Variants in WASF1 observed in about 807,000 individuals in gnomAD.
WASF1 encodes actin-binding protein WASF1.
WASF1 carries 7 observed loss-of-function variants against 50.5 expected under a neutral mutation model. That is an observed-to-expected ratio of 0.14 (90% CI 0.08 to 0.26). The LOEUF is 0.26. WASF1 is among the 10% of genes least tolerant of loss of function. The pLI, the probability that WASF1 is intolerant of heterozygous loss-of-function variation, is 1.00. For synonymous variants in WASF1, 205 were observed against 244.0 expected, an observed-to-expected ratio of 0.84 and a Z score of 1.49; for missense variants, 470 against 694.7, an observed-to-expected ratio of 0.68 and a Z score of 3.64.
intron 3 of WASF1, among the ~76,000 whole-genome samples, chr6:110,143,346 T>G (rs772464268): frequency 9.4e-5 from 14 of 149,596 alleles, no homozygotes; most frequent in Non-Finnish European, 1.9e-4. Context: ...GAATTCTAAA[T>G]TGTTTATTTT....
At chr6:110,122,525 T>C (rs1218723504) in intron 4 of WASF1, among the ~76,000 whole-genome samples, 1 of 152,220 alleles carries the variant, frequency 6.6e-6, no homozygotes, top group Non-Finnish European at 1.5e-5. Context: ...TCCACCTCTC[T>C]GCCTCTGCTA....
chr6:110,129,139 A>G (rs1774548046), intron 3 of WASF1, among the ~76,000 whole-genome samples: 1 of 152,212 alleles, frequency 6.6e-6, no homozygotes, highest in South Asian at 2.1e-4. Flanking sequence ...TTTCAAAGTC[A>G]GTTGATGATT....
chr6:110,125,547 A>G (rs1774381129), intron 4 of WASF1, among the ~76,000 whole-genome samples: 1 of 152,126 alleles, frequency 6.6e-6, no homozygotes, highest in African/African-American at 2.4e-5. Context: ...TGGTTATTTT[A>G]TGTGCATGGT....
intron 2 of WASF1, among the ~76,000 whole-genome samples, chr6:110,164,237 G>T (rs1427876149): frequency 6.6e-6 from 1 of 151,598 alleles, no homozygotes; most frequent in Non-Finnish European, 1.5e-5. Flanking sequence ...ATTCTGCTCT[G>T]TTAAGACAAT....
intron 3 of WASF1, among the ~76,000 whole-genome samples, chr6:110,153,034 T>C (rs1299719221): frequency 2.0e-5 from 3 of 152,212 alleles, no homozygotes; most frequent in Non-Finnish European, 2.9e-5. Context: ...ATGATTGAGA[T>C]GATTGAGATT....
At chr6:110,121,728 T>G (rs551144386) in intron 4 of WASF1, among the ~76,000 whole-genome samples, 9 of 152,256 alleles carry the variant, frequency 5.9e-5, no homozygotes, top group African/African-American at 2.2e-4. Flanking sequence ...TAAAGACAAA[T>G]GCACATGTAT....
intron 3 of WASF1, among the ~76,000 whole-genome samples, chr6:110,137,789 GAAAGA>G (rs913535228): frequency 4.9e-4 from 74 of 152,276 alleles, no homozygotes; most frequent in Middle Eastern, 3.4e-3. Context: ...ATCTGTAAAG[GAAAGA>G]AAAGCCAGGT....
rs113504203 is a variant in WASF1, at chr6:110,164,546, A to G, written c.-126-3814T>C. Reference sequence around the variant, plus strand: ...ATGCCTATTAGAATGGCCAAAATCTAAAACACTGGCAATACCAAATGATGG... The same window carrying G: ...ATGCCTATTAGAATGGCCAAAATCTGAAACACTGGCAATACCAAATGATGG... On this transcript the variant is annotated intron_variant, in intron 2 of 10. Coordinates refer to ENST00000392589, the MANE Select transcript of WASF1 (RefSeq NM_003931.3). 5.5e-3 allele frequency among the ~76,000 whole-genome samples: 835 copies of G among 151,798 alleles called. 12 individuals carry two copies. The highest frequency in any genetic ancestry group is 0.019 in the African/African-American group (809 of 41,516).
At chr6:110,118,642 G>A (rs539630705) in intron 4 of WASF1, among the ~76,000 whole-genome samples, 1 of 152,280 alleles carries the variant, frequency 6.6e-6, no homozygotes, top group African/African-American at 2.4e-5. Context: ...CAAAGAGACA[G>A]AAGGTTAACA....
chr6:110,122,945 G>A (rs1167868172), intron 4 of WASF1, among the ~76,000 whole-genome samples: 1 of 151,610 alleles, frequency 6.6e-6, no homozygotes, highest in Non-Finnish European at 1.5e-5. Context: ...ACCCAGCCAT[G>A]ACAAAGTGGG....
At chr6:110,148,040 C>T (rs1008588332) in intron 3 of WASF1, among the ~76,000 whole-genome samples, 1 of 152,138 alleles carries the variant, frequency 6.6e-6, no homozygotes, top group Non-Finnish European at 1.5e-5. Flanking sequence ...AGCCACTGCA[C>T]CCAACCACCA....
chr6:110,124,835 G>A (rs1222204784), intron 4 of WASF1, among the ~76,000 whole-genome samples: 1 of 152,160 alleles, frequency 6.6e-6, no homozygotes, highest in African/African-American at 2.4e-5. Context: ...GCTTGAACCT[G>A]GGAGGTGGAG....
intron 4 of WASF1, among the ~76,000 whole-genome samples, chr6:110,120,893 A>T (rs1036587476): frequency 6.6e-6 from 1 of 152,158 alleles, no homozygotes; most frequent in African/African-American, 2.4e-5. Context: ...CACATCTACA[A>T]CCATCTGATC....
At position 110,128,745 on chromosome 6, in the gene WASF1, C is replaced by T. The variant is rs112214459; in HGVS notation, c.-28-1116G>A. Among the ~76,000 whole-genome samples, 853 of 152,280 alleles carry T rather than the reference C, an allele frequency of 5.6e-3. 12 individuals are homozygous for T. Among genetic ancestry groups the T allele is most frequent in the African/African-American group, 0.02 (821 of 41,538 alleles). On this transcript the variant is annotated intron_variant, in intron 3 of 10. Transcript: ENST00000392589. The stretch of plus-strand genomic sequence containing the variant: ...CAACCCCCCAGCTGCAGACCAGTAA[C>T]GGTCAGTGGCCTGTAAGGAACCAGG...
intron 3 of WASF1, among the ~76,000 whole-genome samples, chr6:110,142,082 A>G (rs544904240): frequency 2.0e-5 from 3 of 152,292 alleles, no homozygotes; most frequent in East Asian, 3.9e-4. Context: ...TTGTATGTGC[A>G]TGGAAAAGAA....
intron 5 of WASF1, among the ~76,000 whole-genome samples, chr6:110,111,921 C>T (rs921308542): frequency 6.6e-6 from 1 of 151,992 alleles, no homozygotes; most frequent in Non-Finnish European, 1.5e-5. Context: ...AATGGGTGAA[C>T]TGCAAGGTAT....
intron 3 of WASF1, among the ~76,000 whole-genome samples, chr6:110,144,232 C>T (rs1292902594): frequency 6.6e-6 from 1 of 152,122 alleles, no homozygotes; most frequent in Non-Finnish European, 1.5e-5. Flanking sequence ...AGCTTTTTTT[C>T]ATATATTTCT....
intron 3 of WASF1, among the ~76,000 whole-genome samples, chr6:110,148,136 C>T (rs1775660814): frequency 6.6e-6 from 1 of 152,152 alleles, no homozygotes; most frequent in Non-Finnish European, 1.5e-5. Context: ...ACTTGAAAAA[C>T]AAGATTGTCT....
chr6:110,120,251 C>G (rs543359555), intron 4 of WASF1, among the ~76,000 whole-genome samples: 2 of 152,138 alleles, frequency 1.3e-5, no homozygotes, highest in African/African-American at 4.8e-5. Context: ...GTCAAATTGT[C>G]TCTTGTTTTC....
Sources: allele counts gnomAD v4.1 joint callset (sites outside exome capture counted in the v4.1 genomes callset), GRCh38; gene constraint gnomAD v4.1.1; transcripts MANE v1.5; gene names NCBI Gene and HGNC (gene_info 2026-07-23, HGNC 2026-07-21).